GPC6: variants seen among roughly 807,000 people sequenced by gnomAD.
GPC6 encodes glypican 6.
Under a neutral mutation model 55.2 loss-of-function variants are expected in GPC6, and 14 were observed. The ratio of observed to expected loss-of-function variants is 0.25; its 90% CI spans 0.17 to 0.40. The LOEUF is 0.40. GPC6 is among the 10% of genes least tolerant of loss of function. The pLI, the probability that GPC6 is intolerant of heterozygous loss-of-function variation, is 1.00. For synonymous variants in GPC6, 278 were observed against 259.6 expected, an observed-to-expected ratio of 1.07 and a Z score of -0.68; for missense variants, 641 against 708.5, an observed-to-expected ratio of 0.90 and a Z score of 1.08.
rs113993675 is a variant in GPC6 at position 94,190,333 on chromosome 13, A to C, written c.878-96016A>C. Among the ~76,000 whole-genome samples, 498 of 152,296 alleles carry C rather than the reference A, an allele frequency of 3.3e-3. 6 individuals are homozygous for C. The highest frequency in any genetic ancestry group is 0.014 in the Middle Eastern group (4 of 294). The stretch of plus-strand genomic sequence containing the variant: ...TGAAAAAAAAAAAAAGTATGCAGAA[A>C]AAATTTTACTTTTTCCTAGTGAAAT... On this transcript the variant is annotated intron_variant, in intron 4 of 8. Transcript: ENST00000377047.
intron 2 of GPC6, among the ~76,000 whole-genome samples, chr13:93,790,443 A>G (rs9524214): frequency 0.33 from 50,372 of 152,022 alleles, 8,776 homozygotes; most frequent in African/African-American, 0.44. Flanking sequence ...CAGTGAACAG[A>G]AAGCCTAGAA....
intron 2 of GPC6, among the ~76,000 whole-genome samples, chr13:93,582,584 C>T (rs2139491235): frequency 6.6e-6 from 1 of 152,272 alleles, no homozygotes; most frequent in Admixed American, 6.5e-5. Context: ...AAAGAACAGA[C>T]CTTTAGATTG....
intron 2 of GPC6, among the ~76,000 whole-genome samples, chr13:93,691,203 T>A (rs749544482): frequency 1.3e-5 from 2 of 152,132 alleles, no homozygotes; most frequent in Non-Finnish European, 2.9e-5. Context: ...ATGAAACATC[T>A]TATTTTTTCT....
intron 1 of GPC6, among the ~76,000 whole-genome samples, chr13:93,498,696 A>T (rs1053805550): frequency 6.6e-6 from 1 of 152,142 alleles, no homozygotes; most frequent in Non-Finnish European, 1.5e-5. Flanking sequence ...GTGGAACTGT[A>T]AGTTCAACTA....
intron 3 of GPC6, among the ~76,000 whole-genome samples, chr13:93,895,771 C>G (rs2140322300): frequency 6.6e-6 from 1 of 152,144 alleles, no homozygotes; most frequent in South Asian, 2.1e-4. Flanking sequence ...TAACCACCCA[C>G]AGGTATGATC....
At chr13:94,387,769 G>C (rs1033824401) in intron 7 of GPC6, among the ~76,000 whole-genome samples, 1 of 72,542 alleles carries the variant, frequency 1.4e-5, no homozygotes, top group Non-Finnish European at 2.8e-5. Flanking sequence ...TCTCTCTGCC[G>C]TGTGAGGACA....
intron 3 of GPC6, among the ~76,000 whole-genome samples, chr13:93,987,258 A>T (rs1448089303): frequency 6.6e-6 from 1 of 152,208 alleles, no homozygotes; most frequent in Admixed American, 6.5e-5. Context: ...GAACATGGTG[A>T]AAACTTTCAT....
chr13:94,275,231 G>T (rs1428029664), intron 4 of GPC6, among the ~76,000 whole-genome samples: 2 of 152,080 alleles, frequency 1.3e-5, no homozygotes, highest in Admixed American at 1.3e-4. Context: ...TGGAAAAGAG[G>T]AACAATAACA....
intron 2 of GPC6, among the ~76,000 whole-genome samples, chr13:93,819,009 A>G (rs977266307): frequency 5.3e-5 from 8 of 152,192 alleles, no homozygotes; most frequent in Non-Finnish European, 1.0e-4. Flanking sequence ...ATATACAAGT[A>G]TACAAGATAT....
chr13:94,158,397 T>TAAA, intron 4 of GPC6, among the ~76,000 whole-genome samples: 1 of 148,846 alleles, frequency 6.7e-6, no homozygotes, highest in Non-Finnish European at 1.5e-5. Flanking sequence ...AAAAAAAGAC[T>TAAA]AATCTGAGAA....
chr13:93,922,961 A>G (rs1053750583), intron 3 of GPC6, among the ~76,000 whole-genome samples: 13 of 152,188 alleles, frequency 8.5e-5, no homozygotes, highest in African/African-American at 2.9e-4. Flanking sequence ...AAAGACCCCA[A>G]CTATCCAAAC....
intron 6 of GPC6, among the ~76,000 whole-genome samples, chr13:94,381,544 C>G (rs368997104): frequency 2.0e-4 from 31 of 152,254 alleles, no homozygotes; most frequent in African/African-American, 7.0e-4. Flanking sequence ...ACTTTAACTT[C>G]TTTAGCTCTG....
intron 3 of GPC6, among the ~76,000 whole-genome samples, chr13:93,847,677 G>A (rs1484728633): frequency 6.6e-6 from 1 of 152,104 alleles, no homozygotes; most frequent in Non-Finnish European, 1.5e-5. Flanking sequence ...CCATGAGGAA[G>A]GATCTTCTCA....
At chr13:93,790,064 CAG>C in intron 2 of GPC6, among the ~76,000 whole-genome samples, 1 of 152,180 alleles carries the variant, frequency 6.6e-6, no homozygotes, top group South Asian at 2.1e-4. Flanking sequence ...CTTCAAATGT[CAG>C]TAGTAAGAAC....
At chr13:93,886,685 A>G (rs1308945809) in intron 3 of GPC6, among the ~76,000 whole-genome samples, 1 of 151,682 alleles carries the variant, frequency 6.6e-6, no homozygotes, top group Non-Finnish European at 1.5e-5. Context: ...ACATTGATGG[A>G]CAGGCATACA....
At chr13:94,225,699 G>A (rs925517934) in intron 4 of GPC6, among the ~76,000 whole-genome samples, 1 of 149,450 alleles carries the variant, frequency 6.7e-6, no homozygotes, top group South Asian at 2.1e-4. Flanking sequence ...AAACTGTATA[G>A]TCTTTAAATA....
intron 2 of GPC6, among the ~76,000 whole-genome samples, chr13:93,818,090 A>G (rs1886925271): frequency 6.8e-6 from 1 of 147,876 alleles, no homozygotes; most frequent in African/African-American, 2.4e-5. Flanking sequence ...TATTTATTAT[A>G]TGTATATATT....
intron 6 of GPC6, among the ~76,000 whole-genome samples, chr13:94,327,204 G>A (rs951671232): frequency 1.3e-5 from 2 of 152,114 alleles, no homozygotes; most frequent in East Asian, 3.9e-4. Context: ...GGCTGTTCAC[G>A]TAGCTGTAAC....
chr13:93,905,964 C>A (rs1347720134), intron 3 of GPC6, among the ~76,000 whole-genome samples: 1 of 152,168 alleles, frequency 6.6e-6, no homozygotes, highest in Non-Finnish European at 1.5e-5. Flanking sequence ...ATCAATGAAT[C>A]TTAGAATAAA....
Sources: allele counts gnomAD v4.1 joint callset (sites outside exome capture counted in the v4.1 genomes callset), GRCh38; gene constraint gnomAD v4.1.1; transcripts MANE v1.5; gene names NCBI Gene and HGNC (gene_info 2026-07-23, HGNC 2026-07-21).